Variants in PDS5B observed in about 807,000 individuals in gnomAD.
PDS5B encodes PDS5 cohesin associated factor B.
In PDS5B, 51 loss-of-function variants were observed where a neutral mutation model predicts 184.1. That is an observed-to-expected ratio of 0.28 (90% CI 0.22 to 0.35). PDS5B has a LOEUF of 0.35. Among genes scored for constraint, PDS5B ranks in the 10% least tolerant of loss-of-function variants. The probability of loss-of-function intolerance (pLI) is 1.00; values close to 1 mark genes in which losing one functional copy is unlikely to be tolerated. For synonymous variants in PDS5B, 566 were observed against 569.2 expected (o/e 0.99, Z 0.08); for missense variants, 1,180 against 1,723.3 (o/e 0.68, Z 5.58).
chr13:32,649,319 G>GA, intron 2 of PDS5B: 1 of 155,028 alleles, frequency 6.5e-6, no homozygotes, highest in Non-Finnish European at 1.4e-5. Flanking sequence ...CTCTGCTTCT[G>GA]ACATGTAGTA....
chr13:32,627,102 C>A (rs1186890117), intron 1 of PDS5B, among the ~76,000 whole-genome samples: 1 of 152,182 alleles, frequency 6.6e-6, no homozygotes, highest in Non-Finnish European at 1.5e-5. Flanking sequence ...ATCTCATGTT[C>A]AAGTGGAACT....
intron 15 of PDS5B, among the ~76,000 whole-genome samples, chr13:32,699,379 A>G (rs1169951774): frequency 6.6e-6 from 1 of 152,200 alleles, no homozygotes; most frequent in Admixed American, 6.5e-5. Flanking sequence ...AATCTCTTAA[A>G]TTATAAGAGA....
At chr13:32,703,071 C>T (rs926341341) in intron 17 of PDS5B, among the ~76,000 whole-genome samples, 1 of 151,856 alleles carries the variant, frequency 6.6e-6, no homozygotes, top group Non-Finnish European at 1.5e-5. Flanking sequence ...AATAGTAGTA[C>T]CTTGAAAAGA....
intron 7 of PDS5B, among the ~76,000 whole-genome samples, chr13:32,672,226 C>T (rs943706505): frequency 6.6e-6 from 1 of 152,092 alleles, no homozygotes; most frequent in Non-Finnish European, 1.5e-5. Context: ...CATAGAATTG[C>T]CTTCTATGAA....
At chr13:32,705,412 T>G (rs1034261050) in intron 17 of PDS5B, among the ~76,000 whole-genome samples, 1 of 152,138 alleles carries the variant, frequency 6.6e-6, no homozygotes, top group Non-Finnish European at 1.5e-5. Context: ...GAAAACACCC[T>G]CAGAAATACC....
chr13:32,732,255 CAT>C lies in PDS5B; in HGVS notation c.2247+34_2247+35del, dbSNP rs765827731. 7 of 1,481,302 alleles carry C rather than the reference CAT, an allele frequency of 4.7e-6. No homozygotes were observed. The East Asian group carries it at 9.1e-5, about 19-fold the overall frequency. The allele number at this position is 1,481,302 out of a possible 1,614,324, so 91.8% of individuals were successfully genotyped here. ...GAGAAAAAAATTTTCTTGTTTATTT[CAT>C]ATGTCATAGTTACAAAACAAATATT... On this transcript the variant is annotated intron_variant, in intron 20 of 34. Transcript: ENST00000315596.
At position 32,652,094 on chromosome 13, in the gene PDS5B, T is replaced by A. The variant is rs1224010959; in HGVS notation, c.312+87T>A. ...AATGGGAGTTAAGGTATTTAGATGA[T>A]TTCCTTGGATTCTTTGACATTAGCT... On this transcript the variant is annotated intron_variant, in intron 3 of 34. Coordinates refer to ENST00000315596, the MANE Select transcript of PDS5B (RefSeq NM_015032.4). The A allele has an allele frequency of 4.4e-6, 4 of 899,240 alleles. No homozygotes were observed. The African/African-American group carries it at 4.9e-5, about 11-fold the overall frequency. 55.7% of individuals were successfully genotyped at this position (899,240 alleles called of 1,614,324 possible).
chr13:32,693,868 AG>A (rs1951624016), intron 13 of PDS5B, among the ~76,000 whole-genome samples: 1 of 151,730 alleles, frequency 6.6e-6, no homozygotes, highest in African/African-American at 2.4e-5. Flanking sequence ...ATTTGTCTTA[AG>A]AAAAAGTATC....
intron 24 of PDS5B, among the ~76,000 whole-genome samples, chr13:32,750,027 T>C (rs1953916117): frequency 6.6e-6 from 1 of 152,220 alleles, no homozygotes; most frequent in African/African-American, 2.4e-5. Context: ...TTTGAAGACT[T>C]CCTCAGTTCC....
chr13:32,663,408 C>A (rs1950702676), intron 6 of PDS5B, among the ~76,000 whole-genome samples: 1 of 151,000 alleles, frequency 6.6e-6, no homozygotes, highest in African/African-American at 2.4e-5. Context: ...TGATAATCAC[C>A]AAATTGGCTT....
At chr13:32,723,820 A>G (rs1377593549) in intron 19 of PDS5B, among the ~76,000 whole-genome samples, 1 of 152,176 alleles carries the variant, frequency 6.6e-6, no homozygotes, top group Non-Finnish European at 1.5e-5. Context: ...GAAACCACAG[A>G]CCATAGACTA....
intron 15 of PDS5B, among the ~76,000 whole-genome samples, chr13:32,698,649 A>T (rs2140863236): frequency 6.6e-6 from 1 of 152,332 alleles, no homozygotes; most frequent in East Asian, 1.9e-4. Flanking sequence ...ACCAAGACAT[A>T]AAATGGGATT....
chr13:32,729,160 T>A (rs1215305790), intron 19 of PDS5B, among the ~76,000 whole-genome samples: 1 of 152,108 alleles, frequency 6.6e-6, no homozygotes, highest in South Asian at 2.1e-4. Context: ...TGTGTTCTCA[T>A]TGTTCAACTT....
chr13:32,648,729 G>T (rs1416181993), intron 1 of PDS5B, 25 bp from the exon 2 acceptor site: 6 of 883,428 alleles, frequency 6.8e-6, no homozygotes, highest in Admixed American at 3.8e-5. Flanking sequence ...TTTTTGGTTT[G>T]CATCTAATAG....
chr13:32,653,059 T>C (rs9591220), intron 3 of PDS5B, among the ~76,000 whole-genome samples: 58,048 of 151,962 alleles, frequency 0.38, 11,552 homozygotes, highest in Non-Finnish European at 0.44. Context: ...TTTGGGAGGC[T>C]GAGGTGGGCC....
At position 32,607,279 on chromosome 13, in the gene PDS5B, A is replaced by G. The variant is rs61947053; in HGVS notation, c.-20+20686A>G. On this transcript the variant is annotated intron_variant, in intron 1 of 34. Transcript: ENST00000315596. ...TCTGTTTGTTAGTTTTCCTTCTAAC[A>G]GTCAGGACCCTCAGCTGCAGGTCTG... is the stretch of plus-strand genomic sequence containing the variant. Among the ~76,000 whole-genome samples, 538 of 152,334 alleles carry G rather than the reference A, an allele frequency of 3.5e-3. 4 individuals carry two copies. Among genetic ancestry groups the G allele is most frequent in the Non-Finnish European group, 6.6e-3 (447 of 68,024 alleles).
rs188556223 is a variant in PDS5B, at chr13:32,659,151, C to T, written c.498-3C>T. 15 of 1,529,026 alleles carry T rather than the reference C, an allele frequency of 9.8e-6. No individual in the cohort carries two copies. The highest frequency in any genetic ancestry group is 1.7e-4 in the Middle Eastern group (1 of 5,732). 94.7% of individuals were successfully genotyped at this position (1,529,026 alleles called of 1,614,324 possible). On this transcript the variant is annotated splice_polypyrimidine_tract_variant and splice_region_variant and intron_variant, in intron 5 of 34. Coordinates refer to ENST00000315596, the MANE Select transcript of PDS5B (RefSeq NM_015032.4). Reference sequence around the variant, plus strand: ...TTGAAACAAAATCTGTTTTGAATTGCAGCAATGGCCACAATCAGAAAGTCC... The same window carrying T: ...TTGAAACAAAATCTGTTTTGAATTGTAGCAATGGCCACAATCAGAAAGTCC...
chr13:32,589,653 A>T (rs1165783917), intron 1 of PDS5B, among the ~76,000 whole-genome samples: 1 of 152,200 alleles, frequency 6.6e-6, no homozygotes, highest in Non-Finnish European at 1.5e-5. Context: ...TTTTAAACTC[A>T]GTTTGCTACA....
At chr13:32,679,469 C>T (rs181712136) in intron 10 of PDS5B, among the ~76,000 whole-genome samples, 22 of 152,040 alleles carry the variant, frequency 1.4e-4, no homozygotes, top group Middle Eastern at 3.4e-3. Context: ...AACCCCGTCT[C>T]GACTAAAAAT....
Sources: allele counts gnomAD v4.1 joint callset (sites outside exome capture counted in the v4.1 genomes callset), GRCh38; gene constraint gnomAD v4.1.1; transcripts MANE v1.5; gene names NCBI Gene and HGNC (gene_info 2026-07-23, HGNC 2026-07-21).